The following ZNF565 variants were observed in gnomAD, a reference collection of about 807,000 sequenced individuals.
ZNF565 encodes zinc finger protein 565.
Under a neutral mutation model 39.4 loss-of-function variants are expected in ZNF565, and 27 were observed. The ratio of observed to expected loss-of-function variants is 0.69; its 90% confidence interval spans 0.51 to 0.95. ZNF565 has a LOEUF of 0.95. ZNF565 is among the 40% of genes least tolerant of loss of function. The pLI, the probability that ZNF565 is intolerant of heterozygous loss-of-function variation, is 0.00. For missense variants in ZNF565, 524 were observed against 621.1 expected, an observed-to-expected ratio of 0.84 and a Z score of 1.66; for synonymous variants, 185 against 216.6, an observed-to-expected ratio of 0.85 and a Z score of 1.28.
intron 1 of ZNF565, among the ~76,000 whole-genome samples, chr19:36,227,304 G>T (rs1244125209): frequency 1.3e-5 from 2 of 149,508 alleles, no homozygotes; most frequent in Non-Finnish European, 3.0e-5. Context: ...CAGGAGAATG[G>T]CTTGAACCCG....
chr19:36,189,740 A>C (rs1219842584), intron 4 of ZNF565, among the ~76,000 whole-genome samples: 1 of 152,222 alleles, frequency 6.6e-6, no homozygotes, highest in Non-Finnish European at 1.5e-5. Context: ...GAAAGACAAG[A>C]ACACTTTTAT....
At chr19:36,239,877 T>A (rs1977769743) in intron 1 of ZNF565, among the ~76,000 whole-genome samples, 1 of 152,166 alleles carries the variant, frequency 6.6e-6, no homozygotes, top group South Asian at 2.1e-4. Flanking sequence ...TTATTAAAGG[T>A]TTTCTTGAAT....
intron 1 of ZNF565, chr19:36,236,212 C>T: frequency 6.3e-6 from 3 of 475,080 alleles, no homozygotes; most frequent in Non-Finnish European, 1.1e-5. Flanking sequence ...GGTAGCAATA[C>T]TTCATTGAAT....
intron 1 of ZNF565, among the ~76,000 whole-genome samples, chr19:36,210,600 A>G (rs777281088): frequency 4.8e-4 from 73 of 151,910 alleles, no homozygotes; most frequent in Non-Finnish European, 9.9e-4. Context: ...AGCAATGAAG[A>G]TATCTAACCT....
chr19:36,199,400 A>C (rs914776948), intron 2 of ZNF565, among the ~76,000 whole-genome samples: 1 of 152,038 alleles, frequency 6.6e-6, no homozygotes, highest in Non-Finnish European at 1.5e-5. Flanking sequence ...CAATCACTAC[A>C]ACTCCTACCA....
chr19:36,239,817 C>A (rs942297206), intron 1 of ZNF565, among the ~76,000 whole-genome samples: 2 of 151,922 alleles, frequency 1.3e-5, no homozygotes, highest in Non-Finnish European at 2.9e-5. Flanking sequence ...GTAAACCAGC[C>A]CTTCATGAAA....
At chr19:36,191,752 G>T (rs1975553523) in intron 4 of ZNF565, among the ~76,000 whole-genome samples, 1 of 152,150 alleles carries the variant, frequency 6.6e-6, no homozygotes, top group Non-Finnish European at 1.5e-5. Flanking sequence ...CCTTATTGAA[G>T]AATTCCAATT....
chr19:36,212,599 G>C (rs1009860672), intron 1 of ZNF565, among the ~76,000 whole-genome samples: 1 of 151,704 alleles, frequency 6.6e-6, no homozygotes. Context: ...TCCAGCATGG[G>C]TGACAGAGCA....
At chr19:36,184,097 A>C (rs1402673681) in intron 4 of ZNF565, among the ~76,000 whole-genome samples, 55 of 149,754 alleles carry the variant, frequency 3.7e-4, no homozygotes, top group African/African-American at 1.3e-3. Context: ...AAAAAAAAAA[A>C]AAAAAACTAT....
At position 36,210,479 on chromosome 19, in the gene ZNF565, T is replaced by C. The variant is rs1976314202; in HGVS notation, c.-66+4143A>G. ...GGAGAGAAGGCTAGAATGAACCCTG[T>C]AGTGTTGCACTGAAATTGGAGATAC... On this transcript the variant is annotated intron_variant, in intron 1 of 4. Transcript: ENST00000304116. Among the ~76,000 whole-genome samples, 4 of 150,936 alleles carry C rather than the reference T, an allele frequency of 2.7e-5. No homozygotes were observed. The South Asian group carries it at 6.3e-4, about 24-fold the overall frequency.
rs200693879 is a variant in ZNF565 at position 36,182,686 on chromosome 19, G to A, written c.1280C>T (p.Ala427Val). ...AGTCAGTTGTGAAACACGAATAAAG[G>A]CCTTCCCACATTCCTTACATTCGTA... is the stretch of plus-strand genomic sequence containing the variant. ...KPYECKECGK[A>V]FIRVSQLTHH... Residue 427 changes from alanine (A) to valine (V), a missense_variant, in exon 5 of 5, where the codon GCC becomes GTC. Ala to Val is a moderately conservative substitution (Grantham distance 64). Transcript: ENST00000304116. 2 of 1,614,164 alleles carry A rather than the reference G, an allele frequency of 1.2e-6. No homozygotes were observed. Among genetic ancestry groups the A allele is most frequent in the Non-Finnish European group, 1.7e-6 (2 of 1,180,028 alleles).
intron 4 of ZNF565, among the ~76,000 whole-genome samples, chr19:36,193,016 G>A (rs1975618501): frequency 6.6e-6 from 1 of 151,668 alleles, no homozygotes; most frequent in South Asian, 2.1e-4. Flanking sequence ...TGTTTTTTGA[G>A]ATGGAGTCTC....
intron 2 of ZNF565, among the ~76,000 whole-genome samples, chr19:36,201,301 CA>C (rs1201452549): frequency 1.3e-5 from 2 of 151,914 alleles, no homozygotes; most frequent in Admixed American, 1.3e-4. Flanking sequence ...GACCCTGTCT[CA>C]AAAAACGAAA....
chr19:36,202,951 T>A (rs1264383729), intron 1 of ZNF565, among the ~76,000 whole-genome samples: 1 of 152,128 alleles, frequency 6.6e-6, no homozygotes, highest in Non-Finnish European at 1.5e-5. Flanking sequence ...TCCAGAGTAC[T>A]GCCCTCCATG....
At chr19:36,215,604 A>C (rs115455300), upstream of ZNF565, among the ~76,000 whole-genome samples, 1 of 152,020 alleles carries the variant, frequency 6.6e-6, no homozygotes, top group African/African-American at 2.4e-5. Flanking sequence ...TTTTAAAACG[A>C]GTTTTTATAT....
At chr19:36,224,419 T>G (rs1004306376) in intron 1 of ZNF565, among the ~76,000 whole-genome samples, 2 of 152,234 alleles carry the variant, frequency 1.3e-5, no homozygotes, top group Admixed American at 1.3e-4. Flanking sequence ...TTACTATTTT[T>G]AGGATGCCAC....
In ZNF565 at chr19:36,245,398, A is replaced by C. The variant is rs537273351; in HGVS notation, c.55+78T>G. On this transcript the variant is annotated intron_variant, in intron 1 of 4. Transcript: ENST00000355114. This position sits in a 1 kb window ranked among gnomAD's most constrained non-coding sequence, Gnocchi z 4.4. ...AGGGAGGACAGTCACTGCGACCCGG[A>C]AAGCTCCGCGCTTACGACGCCCACC... 2.7e-4 allele frequency: 191 copies of C among 699,750 alleles called. 1 individual carries two copies. The South Asian group carries it at 2.7e-3, about 10-fold the overall frequency. 43.3% of individuals were successfully genotyped at this position (699,750 alleles called of 1,614,324 possible).
chr19:36,235,907 T>G (rs1356239752), intron 1 of ZNF565: 1 of 152,370 alleles, frequency 6.6e-6, no homozygotes, highest in Non-Finnish European at 1.5e-5. Flanking sequence ...ATCAAGGGAC[T>G]TAGTTGGGAG....
chr19:36,231,277 G>A (rs1028269778), intron 1 of ZNF565, among the ~76,000 whole-genome samples: 2 of 151,748 alleles, frequency 1.3e-5, no homozygotes, highest in Admixed American at 6.6e-5. Context: ...TGGTGCCATC[G>A]TGGCTCACCG....
Sources: gnomAD v4.1 joint callset for allele counts (sites outside exome capture counted in the v4.1 genomes callset) on GRCh38, gnomAD v4.1.1 for gene constraint, Gnocchi (gnomAD v3.1) non-coding constraint, MANE v1.5 for transcripts, NCBI Gene and HGNC (gene_info 2026-07-23, HGNC 2026-07-21) for gene names.